The following SYNRG variants were observed in gnomAD, a reference collection of about 807,000 sequenced individuals.
SYNRG encodes synergin gamma.
Under a neutral mutation model 130.9 loss-of-function variants are expected in SYNRG, and 37 were observed. The ratio of observed to expected loss-of-function variants is 0.28; its 90% CI spans 0.22 to 0.37. SYNRG has a LOEUF of 0.37. Ranked by LOEUF, SYNRG falls within the 10% of genes least tolerant of loss-of-function variation. SYNRG has a pLI of 1.00. For missense variants in SYNRG, 1,338 were observed against 1,588.9 expected, an observed-to-expected ratio of 0.84 and a Z score of 2.68; for synonymous variants, 539 against 568.1, an observed-to-expected ratio of 0.95 and a Z score of 0.73.
At chr17:37,535,264 TA>T (rs943295861) in intron 19 of SYNRG, among the ~76,000 whole-genome samples, 94 of 147,526 alleles carry the variant, frequency 6.4e-4, no homozygotes, top group African/African-American at 1.3e-3. Flanking sequence ...CTCATGAAAT[TA>T]AAAAAAAAAA....
chr17:37,579,525 AT>A (rs1301949380), intron 6 of SYNRG: 21 of 1,004,598 alleles, frequency 2.1e-5, no homozygotes, highest in Non-Finnish European at 2.8e-5. Flanking sequence ...AAAAGAATAT[AT>A]TGAAACATAA....
At chr17:37,598,183 T>G (rs1371715094) in intron 2 of SYNRG, among the ~76,000 whole-genome samples, 2 of 152,080 alleles carry the variant, frequency 1.3e-5, no homozygotes, top group African/African-American at 4.8e-5. Flanking sequence ...TAAGTACATG[T>G]CAGGTGGTGA....
intron 3 of SYNRG, among the ~76,000 whole-genome samples, chr17:37,594,510 G>A (rs948788918): frequency 1.7e-4 from 25 of 146,546 alleles, no homozygotes; most frequent in African/African-American, 5.3e-4. Flanking sequence ...TCGCCCAGGC[G>A]GGAGTGCAGT....
intron 1 of SYNRG, among the ~76,000 whole-genome samples, chr17:37,602,092 T>C (rs1022136036): frequency 6.6e-6 from 1 of 152,044 alleles, no homozygotes; most frequent in Non-Finnish European, 1.5e-5. Flanking sequence ...TCCCAGCACT[T>C]TGGGAGGCCA....
Position 37,520,548 on chromosome 17 carries a change from G to C in SYNRG, c.3767C>G (p.Ser1256Trp), listed in dbSNP as rs1374136729. 1 of 1,614,104 alleles carries C rather than the reference G, an allele frequency of 6.2e-7. No homozygotes were observed. Among genetic ancestry groups the C allele is most frequent in the African/African-American group, 1.3e-5 (1 of 75,008 alleles). Residue 1256 changes from serine (S) to tryptophan (W), a missense_variant, in exon 20 of 22, where the codon TCG becomes TGG. Around this residue, in one of 3 missense-constraint regions of SYNRG, gnomAD observed 1,146 missense variants for 1,342.3 expected, o/e 0.85. Transcript: ENST00000612223. Reference protein sequence around the residue: ...ACGVCLLNVDSRSRKEEKPAE... With the variant: ...ACGVCLLNVDWRSRKEEKPAE... ...GGCTGCGTGACTTACCCGGCTCCTC[G>C]AGTCCACATTCAAGAGGCACACTCC...
intron 4 of SYNRG, among the ~76,000 whole-genome samples, 170 bp from the exon 5 acceptor site, chr17:37,585,600 T>C (rs1940848475): frequency 6.6e-6 from 1 of 152,180 alleles, no homozygotes; most frequent in African/African-American, 2.4e-5. Flanking sequence ...CTATATTAAT[T>C]CCAAAATATT....
At chr17:37,567,791 G>C (rs922427725) in intron 11 of SYNRG, 1 of 152,226 alleles carries the variant, frequency 6.6e-6, no homozygotes, top group African/African-American at 2.4e-5. Flanking sequence ...AACAGGAACA[G>C]AGGAGACATG....
chr17:37,577,144 C>A (rs778861267), intron 7 of SYNRG, among the ~76,000 whole-genome samples: 14 of 151,982 alleles, frequency 9.2e-5, no homozygotes, highest in Non-Finnish European at 1.5e-4. Flanking sequence ...AGAAATGATT[C>A]CAATTAAGAA....
In SYNRG at chr17:37,584,412, A is replaced by T. The variant is rs184016948; in HGVS notation, c.589+236T>A. ...TATATACAGAAAACTTACAGGTGAA[A>T]TTGTCATACTGATATTTAATTAGAA... On this transcript the variant is annotated intron_variant, in intron 6 of 21. Transcript: ENST00000612223. 1.7e-3 allele frequency: 685 copies of T among 401,514 alleles called. 5 individuals carry two copies. The highest frequency in any genetic ancestry group is 3.0e-3 in the East Asian group (80 of 26,912). 24.9% of individuals were successfully genotyped at this position (401,514 alleles called of 1,614,324 possible).
intron 1 of SYNRG, among the ~76,000 whole-genome samples, chr17:37,603,325 G>A (rs1193857531): frequency 6.6e-6 from 1 of 152,034 alleles, no homozygotes; most frequent in Non-Finnish European, 1.5e-5. Flanking sequence ...GCAACATAGT[G>A]AGACCTCATC....
intron 14 of SYNRG, among the ~76,000 whole-genome samples, chr17:37,543,606 C>T (rs965455047): frequency 3.9e-5 from 6 of 152,162 alleles, no homozygotes; most frequent in Non-Finnish European, 7.3e-5. Flanking sequence ...CAACCATGAT[C>T]ATGTGTGTAA....
chr17:37,535,920 G>A, intron 19 of SYNRG, 59 bp downstream of exon 19: 2 of 1,602,672 alleles, frequency 1.2e-6, no homozygotes, highest in Non-Finnish European at 1.7e-6. Flanking sequence ...TATACACTCT[G>A]CTTTACAACT....
intron 13 of SYNRG, among the ~76,000 whole-genome samples, chr17:37,554,409 A>G (rs2058945808): frequency 6.6e-6 from 1 of 152,186 alleles, no homozygotes; most frequent in Non-Finnish European, 1.5e-5. Flanking sequence ...AGACAATACA[A>G]TAAGAAATAG....
chr17:37,529,552 AAAAG>A (rs1424220332), intron 19 of SYNRG, among the ~76,000 whole-genome samples: 17 of 150,376 alleles, frequency 1.1e-4, no homozygotes, highest in African/African-American at 3.2e-4. Context: ...AAAAAAAAAA[AAAAG>A]AAAAGAAAAG....
intron 13 of SYNRG, among the ~76,000 whole-genome samples, chr17:37,559,427 C>T (rs1000402273): frequency 1.3e-5 from 2 of 152,180 alleles, no homozygotes; most frequent in African/African-American, 2.4e-5. Flanking sequence ...TGGTGGCTCA[C>T]GCCTGTAATC....
intron 14 of SYNRG, among the ~76,000 whole-genome samples, chr17:37,551,850 A>T (rs2145306504): frequency 6.6e-6 from 1 of 151,154 alleles, no homozygotes; most frequent in Admixed American, 6.6e-5. Flanking sequence ...CAGCAAAAAA[A>T]TAAGAAAATT....
intron 19 of SYNRG, among the ~76,000 whole-genome samples, chr17:37,521,938 C>T (rs1156998211): frequency 1.3e-5 from 2 of 151,966 alleles, no homozygotes; most frequent in African/African-American, 4.8e-5. Context: ...TCAGTTTGGT[C>T]CAAGCTGAGC....
intron 14 of SYNRG, among the ~76,000 whole-genome samples, chr17:37,550,395 G>C (rs1237250846): frequency 6.6e-6 from 1 of 152,110 alleles, no homozygotes; most frequent in Non-Finnish European, 1.5e-5. Flanking sequence ...AAAACAAAAG[G>C]GGAAAACCCT....
intron 19 of SYNRG, among the ~76,000 whole-genome samples, chr17:37,528,096 A>C (rs986935301): frequency 2.6e-5 from 4 of 152,114 alleles, no homozygotes; most frequent in African/African-American, 9.7e-5. Flanking sequence ...GAAATGATAC[A>C]GATTCAAATC....
Sources: allele counts gnomAD v4.1 joint callset (sites outside exome capture counted in the v4.1 genomes callset), GRCh38; gene constraint gnomAD v4.1.1; regional missense constraint gnomAD v4.1.1; transcripts MANE v1.5; gene names NCBI Gene and HGNC (gene_info 2026-07-23, HGNC 2026-07-21).